CREB5: variants seen among roughly 807,000 people sequenced by gnomAD.
CREB5 encodes the protein cAMP responsive element binding protein 5, also known as cyclic AMP-responsive element-binding protein 5.
In CREB5, 19 loss-of-function variants were observed where a neutral mutation model predicts 57.1. The observed-to-expected ratio is 0.33, with a 90% CI of 0.23 to 0.49. The LOEUF (loss-of-function observed/expected upper bound fraction) is 0.49. CREB5 is among the 20% of genes least tolerant of loss of function. CREB5 has a pLI of 0.99. For missense variants in CREB5, 579 were observed against 671.6 expected, an observed-to-expected ratio of 0.86 and a Z score of 1.52; for synonymous variants, 238 against 238.3, an observed-to-expected ratio of 1.00 and a Z score of 0.01.
chr7:28,599,246 T>C (rs1381331767), intron 5 of CREB5, among the ~76,000 whole-genome samples: 2 of 152,032 alleles, frequency 1.3e-5, no homozygotes, highest in East Asian at 3.8e-4. Context: ...ATCTATAACA[T>C]ATATAAATGT....
At chr7:28,700,383 T>G (rs773103293) in intron 5 of CREB5, among the ~76,000 whole-genome samples, 1 of 152,178 alleles carries the variant, frequency 6.6e-6, no homozygotes, top group African/African-American at 2.4e-5. Context: ...CATTACACCC[T>G]CAGCTGACTT....
chr7:28,725,982 A>T (rs1299452638), intron 7 of CREB5, among the ~76,000 whole-genome samples: 1 of 152,174 alleles, frequency 6.6e-6, no homozygotes, highest in Non-Finnish European at 1.5e-5. Flanking sequence ...AAGAAGGAAA[A>T]TGCTTCCAAA....
At chr7:28,426,932 T>C (rs1412316320) in intron 1 of CREB5, among the ~76,000 whole-genome samples, 5 of 152,174 alleles carry the variant, frequency 3.3e-5, no homozygotes, top group African/African-American at 1.2e-4. Flanking sequence ...CACTCACTCA[T>C]TGCTGCCATA....
At chr7:28,683,027 A>G (rs1178336957) in intron 5 of CREB5, among the ~76,000 whole-genome samples, 2 of 152,188 alleles carry the variant, frequency 1.3e-5, no homozygotes, top group Non-Finnish European at 2.9e-5. Flanking sequence ...ACGCTCTGCA[A>G]AGGAGGGTGT....
At chr7:28,445,113 T>G (rs753110537) in intron 1 of CREB5, among the ~76,000 whole-genome samples, 2 of 152,242 alleles carry the variant, frequency 1.3e-5, no homozygotes, top group Non-Finnish European at 2.9e-5. Flanking sequence ...GCAGTTCCCC[T>G]GCACATACTC....
At chr7:28,797,442 A>T (rs1049855461) in intron 7 of CREB5, among the ~76,000 whole-genome samples, 3 of 152,300 alleles carry the variant, frequency 2.0e-5, no homozygotes, top group East Asian at 1.9e-4. Flanking sequence ...AATCATAGGA[A>T]TATTTATTTT....
chr7:28,522,018 C>G (rs564795170), intron 4 of CREB5, among the ~76,000 whole-genome samples: 1 of 152,268 alleles, frequency 6.6e-6, no homozygotes, highest in East Asian at 1.9e-4. Context: ...TCCTTGGGCT[C>G]CTACTATTTG....
At chr7:28,723,537 C>G (rs1803163461) in intron 6 of CREB5, among the ~76,000 whole-genome samples, 2 of 152,166 alleles carry the variant, frequency 1.3e-5, no homozygotes, top group Non-Finnish European at 2.9e-5. Context: ...GCTATGAAAC[C>G]AGGCCTGAAA....
chr7:28,786,646 C>T (rs1353500222), intron 7 of CREB5, among the ~76,000 whole-genome samples: 1 of 152,176 alleles, frequency 6.6e-6, no homozygotes. Flanking sequence ...GCAAGTCCTC[C>T]TCCCGACTCT....
intron 7 of CREB5, among the ~76,000 whole-genome samples, chr7:28,738,315 T>C (rs1259064395): frequency 1.3e-5 from 2 of 152,174 alleles, no homozygotes. Context: ...GAGTTTCCCT[T>C]ATGCTTTGCA....
chr7:28,433,319 T>A (rs1394202094), intron 1 of CREB5, among the ~76,000 whole-genome samples: 1 of 152,228 alleles, frequency 6.6e-6, no homozygotes, highest in Non-Finnish European at 1.5e-5. Context: ...GGTATTGTAG[T>A]CAAAAAGAAA....
At chr7:28,632,781 C>T (rs1001718529) in intron 5 of CREB5, among the ~76,000 whole-genome samples, 8 of 152,190 alleles carry the variant, frequency 5.3e-5, no homozygotes, top group Non-Finnish European at 1.0e-4. Flanking sequence ...CCCTCCATGA[C>T]ATCACCCTTC....
intron 1 of CREB5, among the ~76,000 whole-genome samples, chr7:28,451,036 G>C (rs17156709): frequency 6.6e-6 from 1 of 152,162 alleles, no homozygotes; most frequent in South Asian, 2.1e-4. Flanking sequence ...TGATTTTTCA[G>C]TTGCTGTAAC....
chr7:28,803,028 GAGAAGAAAA>G, intron 7 of CREB5, among the ~76,000 whole-genome samples: 1 of 152,186 alleles, frequency 6.6e-6, no homozygotes, highest in Non-Finnish European at 1.5e-5. Context: ...CAGAAGATAA[GAGAAGAAAA>G]TACTGACTAT....
At chr7:28,765,153 A>ATG (rs1805894188) in intron 7 of CREB5, among the ~76,000 whole-genome samples, 1 of 152,198 alleles carries the variant, frequency 6.6e-6, no homozygotes, top group African/African-American at 2.4e-5. Context: ...TTTCTTATAA[A>ATG]TGTGTGTTTA....
chr7:28,776,085 C>T (rs2128779985), intron 7 of CREB5, among the ~76,000 whole-genome samples: 1 of 152,086 alleles, frequency 6.6e-6, no homozygotes, highest in East Asian at 1.9e-4. Flanking sequence ...CGCCTGTAAT[C>T]TCAGCGCTTT....
At chr7:28,513,318 A>G (rs779870491) in intron 4 of CREB5, 4 of 152,198 alleles carry the variant, frequency 2.6e-5, no homozygotes, top group Admixed American at 1.3e-4. Flanking sequence ...GTGTAAAACA[A>G]TCCTTCCCTC....
chr7:28,448,496 C>T (rs368178558), intron 1 of CREB5, among the ~76,000 whole-genome samples: 2 of 152,172 alleles, frequency 1.3e-5, no homozygotes, highest in East Asian at 3.9e-4. Context: ...CCTTGTTTTT[C>T]TTCTGGGCCC....
At chr7:28,366,249 T>C (rs1284528641) in intron 1 of CREB5, among the ~76,000 whole-genome samples, 1 of 152,202 alleles carries the variant, frequency 6.6e-6, no homozygotes, top group Admixed American at 6.5e-5. Flanking sequence ...GTCAAAACTT[T>C]TTTAGATTTA....
Sources: gnomAD v4.1 joint callset for allele counts (sites outside exome capture counted in the v4.1 genomes callset) on GRCh38, gnomAD v4.1.1 for gene constraint, MANE v1.5 for transcripts, NCBI Gene and HGNC (gene_info 2026-07-23, HGNC 2026-07-21) for gene names.